Variants in ROBO2 observed in about 807,000 individuals in gnomAD.
ROBO2 encodes roundabout guidance receptor 2, also known as roundabout homolog 2.
Under a neutral mutation model 160.8 loss-of-function variants are expected in ROBO2, and 53 were observed. That is an observed-to-expected ratio of 0.33 (90% CI 0.26 to 0.41). ROBO2 has a LOEUF of 0.41. ROBO2 is among the 10% of genes least tolerant of loss of function. The probability of loss-of-function intolerance (pLI) is 1.00; values close to 1 mark genes in which losing one functional copy is unlikely to be tolerated. For missense variants in ROBO2, 1,577 were observed against 1,722.4 expected, an observed-to-expected ratio of 0.92 and a Z score of 1.49; for synonymous variants, 664 against 611.7, an observed-to-expected ratio of 1.09 and a Z score of -1.26.
At chr3:76,714,516 C>G (rs1045568829) in intron 2 of ROBO2, among the ~76,000 whole-genome samples, 2 of 152,094 alleles carry the variant, frequency 1.3e-5, no homozygotes, top group African/African-American at 4.8e-5. Context: ...CAAAAGGCAT[C>G]AATCAGAAAA....
At chr3:76,573,523 ATTT>A (rs145929489) in intron 2 of ROBO2, among the ~76,000 whole-genome samples, 3 of 136,814 alleles carry the variant, frequency 2.2e-5, no homozygotes, top group Non-Finnish European at 4.8e-5. Flanking sequence ...ATAGTTTTCA[ATTT>A]TTTTTTTTTT....
chr3:77,571,322 A>G (rs935532), intron 13 of ROBO2, among the ~76,000 whole-genome samples: 3,400 of 152,148 alleles, frequency 0.022, 128 homozygotes, highest in African/African-American at 0.077. Flanking sequence ...TCACACTTAA[A>G]CAGTTTAACT....
chr3:76,528,717 T>C (rs1233854689), intron 2 of ROBO2, among the ~76,000 whole-genome samples: 89 of 152,030 alleles, frequency 5.9e-4, no homozygotes, highest in Non-Finnish European at 1.6e-4. Context: ...AGATGGTATT[T>C]AAATCTACGA....
chr3:76,169,174 C>G (rs1329908794), intron 2 of ROBO2, among the ~76,000 whole-genome samples: 1 of 152,106 alleles, frequency 6.6e-6, no homozygotes, highest in East Asian at 1.9e-4. Context: ...TGCTGTTCCT[C>G]TGGTTCATTT....
chr3:77,214,612 A>T (rs1045268777), intron 2 of ROBO2, among the ~76,000 whole-genome samples: 2 of 151,716 alleles, frequency 1.3e-5, no homozygotes, highest in African/African-American at 4.8e-5. Flanking sequence ...GTGAATTTGA[A>T]CCTGTCATTA....
At chr3:76,952,996 C>T (rs2079045683) in intron 2 of ROBO2, among the ~76,000 whole-genome samples, 1 of 152,130 alleles carries the variant, frequency 6.6e-6, no homozygotes, top group Non-Finnish European at 1.5e-5. Context: ...AATTTTCCAT[C>T]CTGTACCATT....
At chr3:77,444,072 T>C (rs1340822339) in intron 2 of ROBO2, among the ~76,000 whole-genome samples, 1 of 152,202 alleles carries the variant, frequency 6.6e-6, no homozygotes, top group Non-Finnish European at 1.5e-5. Context: ...TGTCCATGCC[T>C]TCATTTTTGA....
chr3:77,289,853 C>G (rs929570388), intron 2 of ROBO2, among the ~76,000 whole-genome samples: 1 of 150,342 alleles, frequency 6.7e-6, no homozygotes, highest in African/African-American at 2.5e-5. Context: ...GCTAGGTCAC[C>G]AAAGACATAA....
intron 2 of ROBO2, among the ~76,000 whole-genome samples, chr3:77,378,083 C>A (rs1461030761): frequency 6.6e-6 from 1 of 152,140 alleles, no homozygotes; most frequent in Non-Finnish European, 1.5e-5. Flanking sequence ...TTCTTTGCAA[C>A]AGACTTTAGA....
chr3:76,396,377 G>C (rs2077449147), intron 2 of ROBO2, among the ~76,000 whole-genome samples: 1 of 152,078 alleles, frequency 6.6e-6, no homozygotes, highest in Non-Finnish European at 1.5e-5. Flanking sequence ...TACTGAATGG[G>C]CAAAAACTGG....
chr3:75,986,767 T>C (rs896354271), intron 2 of ROBO2, among the ~76,000 whole-genome samples: 2 of 151,732 alleles, frequency 1.3e-5, no homozygotes, highest in Admixed American at 6.6e-5. Flanking sequence ...TATATGTGAT[T>C]CTTCTGTTGT....
At chr3:77,000,969 C>T (rs115958799) in intron 2 of ROBO2, among the ~76,000 whole-genome samples, 5,114 of 152,110 alleles carry the variant, frequency 0.034, 111 homozygotes, top group Middle Eastern at 0.068. Flanking sequence ...TTAACGCATC[C>T]AGTTTAGCAC....
chr3:75,970,274 A>G (rs2064956175), intron 2 of ROBO2, among the ~76,000 whole-genome samples: 1 of 151,534 alleles, frequency 6.6e-6, no homozygotes, highest in African/African-American at 2.4e-5. Flanking sequence ...TATCCAATAG[A>G]ATATACAGTT....
At chr3:77,182,858 C>T (rs533408496) in intron 2 of ROBO2, among the ~76,000 whole-genome samples, 8 of 152,004 alleles carry the variant, frequency 5.3e-5, no homozygotes, top group Non-Finnish European at 1.0e-4. Context: ...CTCCTGAATG[C>T]AAAAACTTTT....
chr3:76,035,728 A>G lies in ROBO2; in HGVS notation c.109+98126A>G, dbSNP rs989543819. Among the ~76,000 whole-genome samples the G allele has an allele frequency of 1.7e-4, 26 of 152,210 alleles. 1 individual carries two copies. Among genetic ancestry groups the G allele is most frequent in the African/African-American group, 6.0e-4 (25 of 41,452 alleles). ...GCAGAAATGTACCTTGATATGCCAC[A>G]TAATTCCCATACACATTTGGGGGCC... is the stretch of plus-strand genomic sequence containing the variant. On this transcript the variant is annotated intron_variant, in intron 2 of 26. Coordinates refer to the ROBO2 transcript ENST00000487694.
chr3:77,350,684 A>G (rs1248177000), intron 2 of ROBO2, among the ~76,000 whole-genome samples: 2 of 152,188 alleles, frequency 1.3e-5, no homozygotes, highest in Non-Finnish European at 2.9e-5. Flanking sequence ...TTTTCATAGA[A>G]GGAAGGAATC....
intron 2 of ROBO2, among the ~76,000 whole-genome samples, chr3:76,157,802 G>A (rs2072465287): frequency 6.6e-6 from 1 of 152,094 alleles, no homozygotes; most frequent in African/African-American, 2.4e-5. Flanking sequence ...AGAATGCCTT[G>A]TTCCACTCTC....
At chr3:76,053,494 A>G (rs188493252) in intron 2 of ROBO2, among the ~76,000 whole-genome samples, 110 of 152,166 alleles carry the variant, frequency 7.2e-4, no homozygotes, top group Non-Finnish European at 1.3e-3. Flanking sequence ...CTGTGGTGAG[A>G]ATAACATGTA....
intron 2 of ROBO2, among the ~76,000 whole-genome samples, chr3:76,301,765 C>T (rs536566569): frequency 6.6e-6 from 1 of 152,184 alleles, no homozygotes; most frequent in Non-Finnish European, 1.5e-5. Context: ...CTGGTCATTG[C>T]TTCTGTTGTA....
Sources: gnomAD v4.1 joint callset for allele counts (sites outside exome capture counted in the v4.1 genomes callset) on GRCh38, gnomAD v4.1.1 for gene constraint, MANE v1.5 for transcripts, NCBI Gene and HGNC (gene_info 2026-07-23, HGNC 2026-07-21) for gene names.